The following POLR2K variants were observed in gnomAD, a reference collection of about 807,000 sequenced individuals.
POLR2K encodes DNA-directed RNA polymerases I, II, and III subunit RPABC4.
A neutral mutation model predicts 10.1 loss-of-function variants in POLR2K; 9 were observed. The observed-to-expected ratio is 0.89, with a 90% confidence interval of 0.54 to 1.56. The LOEUF is 1.56. POLR2K is among the 40% of genes most tolerant of loss of function. The probability of loss-of-function intolerance (pLI) is 0.00; values close to 1 mark genes in which losing one functional copy is unlikely to be tolerated. For missense variants in POLR2K, 53 were observed against 71.9 expected (o/e 0.74, Z 0.95); for synonymous variants, 19 against 20.3 (o/e 0.94, Z 0.17).
chr8:100,153,171 C>T, intron 3 of POLR2K, 123 bp from the exon 4 acceptor site: 5 of 676,504 alleles, frequency 7.4e-6, no homozygotes, highest in South Asian at 1.9e-5. Flanking sequence ...TAGTGAATTC[C>T]ATTCTTTTTT....
At position 100,151,916 on chromosome 8, in the gene POLR2K, T is replaced by G; in HGVS notation, c.154T>G (p.Leu52Val). The G allele has an allele frequency of 7.7e-7, 1 of 1,299,074 alleles. No homozygotes were observed. The highest frequency in any genetic ancestry group is 1.1e-6 in the Non-Finnish European group (1 of 894,530). The allele number at this position is 1,299,074 out of a possible 1,614,324, so 80.5% of individuals were successfully genotyped here. A position where few individuals can be genotyped will look rare whatever the true frequency, so the allele number is the denominator to read the frequency against. Residue 52 changes from leucine to valine, a missense_variant and splice_region_variant, in exon 3 of 4, where the codon TTG becomes GTG. Transcript: ENST00000353107. ...AATGTACAAGAAAAGGACTAAAAGA[T>G]GTATCCTTTTAACGATGCTTTCTAA... ...RIMYKKRTKR[L>V]VVFDAR
rs536516341 is a variant in POLR2K, at chr8:100,152,062, A to T, written c.154+146A>T. On this transcript the variant is annotated intron_variant, in intron 3 of 3. Coordinates refer to ENST00000353107, the MANE Select transcript of POLR2K (RefSeq NM_005034.4). ...ACATGATTAGCATTTTCATGGACCA[A>T]TGCATAGGCTCTAAATAATCTAAAT... is the stretch of plus-strand genomic sequence containing the variant. The T allele has an allele frequency of 1.0e-3, 661 of 645,344 alleles. 1 individual carries two copies. The highest frequency in any genetic ancestry group is 9.9e-4 in the Non-Finnish European group (360 of 363,552). The allele number at this position is 645,344 out of a possible 1,614,324, so 40.0% of individuals were successfully genotyped here.
At chr8:100,152,004 A>G in intron 3 of POLR2K, 88 bp downstream of exon 3, 1 of 744,574 alleles carries the variant, frequency 1.3e-6, no homozygotes, top group Admixed American at 2.4e-5. Flanking sequence ...GGTTAAAATG[A>G]TAACTTTCTG....
At position 100,151,429 on chromosome 8, in the gene POLR2K, C is replaced by T. The variant is rs1002438404; in HGVS notation, c.61+13C>T. The T allele has an allele frequency of 8.6e-6, 13 of 1,510,842 alleles. No individual in the cohort carries two copies. The highest frequency in any genetic ancestry group is 1.7e-5 in the Admixed American group (1 of 59,688). 93.6% of individuals were successfully genotyped at this position (1,510,842 alleles called of 1,614,324 possible). ...TATATCTGTGGAGGTAAGAGTAGCA[C>T]TTACCTAAAGTAAGAATATTTTATT... On this transcript the variant is annotated intron_variant, in intron 2 of 3. Coordinates refer to ENST00000353107, the MANE Select transcript of POLR2K (RefSeq NM_005034.4).
intron 3 of POLR2K, chr8:100,152,122 T>C (rs1814928089): frequency 1.7e-6 from 1 of 584,882 alleles, no homozygotes; most frequent in Non-Finnish European, 3.0e-6. Context: ...TAAATTTATT[T>C]TTTAGGGATT....
Position 100,153,361 on chromosome 8 carries a change from C to G in POLR2K, c.*45C>G, listed in dbSNP as rs41548619. ...ATGTCTTCACTTATACTTGGATTTG[C>G]TCTCTTCCCATTTCTGATTGTTGTA... On this transcript the variant is annotated 3_prime_UTR_variant, in exon 4 of 4. Transcript: ENST00000353107. 305 of 1,556,486 alleles carry G rather than the reference C, an allele frequency of 2.0e-4. 2 individuals carry two copies. The highest frequency in any genetic ancestry group is 4.2e-4 in the Admixed American group (25 of 59,066).
chr8:100,151,520 A>T, intron 2 of POLR2K, 104 bp downstream of exon 2: 1 of 808,060 alleles, frequency 1.2e-6, no homozygotes, highest in East Asian at 2.6e-5. Flanking sequence ...CAGAGTTATA[A>T]AGTAGAACAC....
In POLR2K at chr8:100,153,885, A is replaced by G. The variant is rs1814952086; in HGVS notation, c.*569A>G. ...GTAATTTAACACACAATAAAGGGTA[A>G]AGTTGCTTCCCCAAACCACACTTTT... On this transcript the variant is annotated 3_prime_UTR_variant, in exon 4 of 4. Transcript: ENST00000353107. 6.6e-6 allele frequency: 1 copy of G among 152,186 alleles called. No homozygotes were observed. The highest frequency in any genetic ancestry group is 1.5e-5 in the Non-Finnish European group (1 of 68,046). The allele number at this position is 152,186 out of a possible 1,614,324, so 9.4% of individuals were successfully genotyped here.
intron 3 of POLR2K, among the ~76,000 whole-genome samples, chr8:100,152,648 A>G (rs1814935179): frequency 1.3e-5 from 2 of 152,256 alleles, no homozygotes; most frequent in Admixed American, 6.5e-5. Context: ...CCTGGGCAAC[A>G]TAGTGTGACC....
rs372986377 is a variant in POLR2K, at chr8:100,151,363, C to G, written c.8C>G (p.Thr3Ser). The G allele has an allele frequency of 3.7e-6, 6 of 1,609,130 alleles. No homozygotes were observed. The highest frequency in any genetic ancestry group is 5.1e-6 in the Non-Finnish European group (6 of 1,175,632). The part of the protein sequence containing the change: MD[T>S]QKDVQPPKQQ... ...TGATTTCAGGGGCTAACAATGGACA[C>G]CCAGAAGGACGTTCAACCTCCAAAG... The change falls in exon 2 of 4, where the codon ACC (threonine) becomes AGC (serine). Residue 3 changes from threonine to serine, a missense_variant. Thr to Ser is a moderately conservative substitution (Grantham distance 58). Transcript: ENST00000353107.
rs2254883 is a variant in POLR2K at position 100,150,730 on chromosome 8, G to A, written c.-10+21G>A. 0.28 allele frequency: 43,353 copies of A among 152,616 alleles called. 7,719 individuals are homozygous for A. Among genetic ancestry groups the A allele is most frequent in the East Asian group, 0.51 (2,640 of 5,170 alleles). 9.5% of individuals were successfully genotyped at this position (152,616 alleles called of 1,614,324 possible). ...TGTAGGTAAGCGAATTGGCGGGTTG[G>A]GGTTTGTGGTGGATATTTGGGCCAA... On this transcript the variant is annotated intron_variant, in intron 1 of 3. Transcript: ENST00000353107.
intron 2 of POLR2K, 127 bp from the exon 3 acceptor site, chr8:100,151,694 AAGC>A (rs1246183209): frequency 6.7e-6 from 4 of 600,534 alleles, no homozygotes; most frequent in South Asian, 2.3e-5. Flanking sequence ...TATTTAATAA[AAGC>A]AGCAGACCCT....
rs1814918966 is a variant in POLR2K, at chr8:100,151,540, C to T, written c.61+124C>T. 19 of 712,876 alleles carry T rather than the reference C, an allele frequency of 2.7e-5. No homozygotes were observed. The South Asian group carries it at 3.1e-4, about 12-fold the overall frequency. The allele number at this position is 712,876 out of a possible 1,614,324, so 44.2% of individuals were successfully genotyped here. On this transcript the variant is annotated intron_variant, in intron 2 of 3. Transcript: ENST00000353107. ...TTATAAAGTAGAACACTTTAGCAAC[C>T]ATAAAAAAAATCGTTGAGGTCAGTA... is the stretch of plus-strand genomic sequence containing the variant.
Position 100,152,056 on chromosome 8 carries a change from G to C in POLR2K, c.154+140G>C, listed in dbSNP as rs977670418. 3 of 654,266 alleles carry C rather than the reference G, an allele frequency of 4.6e-6. No homozygotes were observed. In the African/African-American group the frequency reaches 5.7e-5, roughly 12 times the overall value. The allele number at this position is 654,266 out of a possible 1,614,324, so 40.5% of individuals were successfully genotyped here. A position where few individuals can be genotyped will look rare whatever the true frequency, so the allele number is the denominator to read the frequency against. Reference sequence around the variant, plus strand: ...AAACAAACATGATTAGCATTTTCATGGACCAATGCATAGGCTCTAAATAAT... The same window carrying C: ...AAACAAACATGATTAGCATTTTCATCGACCAATGCATAGGCTCTAAATAAT... On this transcript the variant is annotated intron_variant, in intron 3 of 3. Transcript: ENST00000353107.
chr8:100,153,803 T>C lies in POLR2K; in HGVS notation c.*487T>C, dbSNP rs1035896475. ...CATATTATATTTGGGTATCTACTAA[T>C]ATTTTGTATAAAGCAATTTTTTGTT... is the stretch of plus-strand genomic sequence containing the variant. On this transcript the variant is annotated 3_prime_UTR_variant, in exon 4 of 4. Transcript: ENST00000353107. The C allele has an allele frequency of 7.2e-5, 11 of 152,322 alleles. No homozygotes were observed. Among genetic ancestry groups the C allele is most frequent in the African/African-American group, 2.2e-4 (9 of 41,456 alleles). 9.4% of individuals were successfully genotyped at this position (152,322 alleles called of 1,614,324 possible).
chr8:100,151,796 T>G, intron 2 of POLR2K, 28 bp from the exon 3 acceptor site: 1 of 1,030,084 alleles, frequency 9.7e-7, no homozygotes, highest in Non-Finnish European at 1.5e-6. Flanking sequence ...CTCTTAGGCA[T>G]TGAGTAAATT....
Position 100,153,579 on chromosome 8 carries a change from T to C in POLR2K, c.*263T>C, listed in dbSNP as rs947268627. ...GATTAATAATAATGTAATAGAACAA[T>C]GATAACATACTATAATAAAAGTTAT... On this transcript the variant is annotated 3_prime_UTR_variant, in exon 4 of 4. Coordinates refer to ENST00000353107, the MANE Select transcript of POLR2K (RefSeq NM_005034.4). 15 of 329,286 alleles carry C rather than the reference T, an allele frequency of 4.6e-5. No homozygotes were observed. In the East Asian group the frequency reaches 7.7e-4, roughly 17 times the overall value. 20.4% of individuals were successfully genotyped at this position (329,286 alleles called of 1,614,324 possible). A position where few individuals can be genotyped will look rare whatever the true frequency, so the allele number is the denominator to read the frequency against.
intron 2 of POLR2K, 167 bp downstream of exon 2, chr8:100,151,583 G>T: frequency 1.6e-6 from 1 of 610,518 alleles, no homozygotes; most frequent in South Asian, 2.2e-5. Flanking sequence ...GTTCGTCCTT[G>T]GTCTTCTGTT....
chr8:100,152,509 A>G (rs1814933246), intron 3 of POLR2K, among the ~76,000 whole-genome samples: 1 of 152,252 alleles, frequency 6.6e-6, no homozygotes, highest in East Asian at 1.9e-4. Context: ...GAGAAATACA[A>G]ATATTGTGTA....
Sources: gnomAD v4.1 joint callset for allele counts (sites outside exome capture counted in the v4.1 genomes callset) on GRCh38, gnomAD v4.1.1 for gene constraint, MANE v1.5 for transcripts, NCBI Gene and HGNC (gene_info 2026-07-23, HGNC 2026-07-21) for gene names.